The following TPO variants were observed in gnomAD, a reference collection of about 807,000 sequenced individuals.
TPO encodes thyroid peroxidase, also known as thyroid microsomal antigen.
TPO carries 78 observed loss-of-function variants against 96.9 expected under a neutral mutation model. The ratio of observed to expected loss-of-function variants is 0.81; its 90% CI spans 0.67 to 0.97. The LOEUF (loss-of-function observed/expected upper bound fraction) is 0.97, where lower values mean the gene tolerates loss of function less well. Among genes scored for constraint, TPO ranks in the 50% least tolerant of loss-of-function variants. The pLI, the probability that TPO is intolerant of heterozygous loss-of-function variation, is 0.00. For synonymous variants in TPO, 547 were observed against 538.0 expected (o/e 1.02, Z -0.23); for missense variants, 1,252 against 1,274.8 (o/e 0.98, Z 0.27).
chr2:1,529,877 C>T (rs1677647062), intron 15 of TPO, among the ~76,000 whole-genome samples: 1 of 138,394 alleles, frequency 7.2e-6, no homozygotes, highest in Admixed American at 7.3e-5. Flanking sequence ...CCACTGTGTG[C>T]AACCTCCTCA....
chr2:1,478,097 A>AACC (rs1670158088), intron 8 of TPO: 1 of 985,348 alleles, frequency 1.0e-6, no homozygotes, highest in African/African-American at 1.7e-5. Flanking sequence ...GTGAATGAAG[A>AACC]ACCGACTCTG....
intron 5 of TPO, among the ~76,000 whole-genome samples, chr2:1,443,977 G>C (rs28437604): frequency 2.1e-4 from 23 of 109,020 alleles, no homozygotes; most frequent in South Asian, 6.7e-4. Context: ...GGGCAGGCTC[G>C]TTCTTGTTTG....
At chr2:1,422,278 C>A (rs1289794476) in intron 2 of TPO, among the ~76,000 whole-genome samples, 1 of 134,236 alleles carries the variant, frequency 7.4e-6, no homozygotes, top group Non-Finnish European at 1.6e-5. Flanking sequence ...GCGCGTGGGA[C>A]TGAAGCCTTG....
chr2:1,532,510 G>C (rs1327825647), intron 15 of TPO, among the ~76,000 whole-genome samples: 1 of 52,858 alleles, frequency 1.9e-5, no homozygotes. Context: ...CAAAACCCCC[G>C]CCACTCTGAG....
upstream of TPO, among the ~76,000 whole-genome samples, chr2:1,411,042 G>A (rs750748087): frequency 1.3e-5 from 2 of 151,650 alleles, no homozygotes; most frequent in African/African-American, 2.4e-5. Context: ...GGTTTTCCAC[G>A]TCCCCCTGCA....
At chr2:1,538,381 G>A (rs13391992) in intron 15 of TPO, among the ~76,000 whole-genome samples, 27,270 of 152,056 alleles carry the variant, frequency 0.18, 2,581 homozygotes, top group African/African-American at 0.22. Flanking sequence ...AATTCAAATG[G>A]TGAAATATCC....
chr2:1,532,688 C>G (rs867759137), intron 15 of TPO, among the ~76,000 whole-genome samples: 2 of 37,110 alleles, frequency 5.4e-5, no homozygotes, highest in Admixed American at 3.9e-4. Flanking sequence ...ACCACCCACT[C>G]TGTGCAACCT....
intron 14 of TPO, among the ~76,000 whole-genome samples, chr2:1,508,096 G>C (rs901569292): frequency 5.5e-4 from 83 of 151,074 alleles, no homozygotes; most frequent in South Asian, 2.7e-3. Context: ...TAGCATGAAG[G>C]GTTGTTGAAT....
In TPO at chr2:1,528,019, T is replaced by G. The variant is rs186391485; in HGVS notation, c.2618+11037T>G. Among the ~76,000 whole-genome samples, 3 of 121,574 alleles carry G rather than the reference T, an allele frequency of 2.5e-5. No individual in the cohort carries two copies. The Admixed American group carries it at 2.8e-4, about 11-fold the overall frequency. 79.8% of individuals were successfully genotyped at this position (121,574 alleles called of 152,430 possible). On this transcript the variant is annotated intron_variant, in intron 15 of 16. Coordinates refer to ENST00000329066, the MANE Select transcript of TPO (RefSeq NM_001206744.2). ...CCCCAATGTGAGGAACCTCCTCAAATCCTCCCACTATGTGCAACCTCCTCA... is the reference window on the plus strand; with the variant it reads ...CCCCAATGTGAGGAACCTCCTCAAAGCCTCCCACTATGTGCAACCTCCTCA...
At chr2:1,455,728 C>T (rs1558306551) in intron 6 of TPO, among the ~76,000 whole-genome samples, 1 of 152,212 alleles carries the variant, frequency 6.6e-6, no homozygotes, top group Non-Finnish European at 1.5e-5. Flanking sequence ...GTCATGAACT[C>T]AACTGTCCTA....
chr2:1,496,222 C>T (rs1672319655), intron 12 of TPO, 25 bp downstream of exon 12: 1 of 1,604,714 alleles, frequency 6.2e-7, no homozygotes, highest in East Asian at 2.2e-5. Flanking sequence ...CCTCTCACAC[C>T]ACGTTACAGC....
At chr2:1,405,954 A>C (rs2148381942) in intron 1 of TPO, among the ~76,000 whole-genome samples, 1 of 152,352 alleles carries the variant, frequency 6.6e-6, no homozygotes, top group Admixed American at 6.5e-5. Context: ...ACAATCCCAA[A>C]TCAGCTAGAA....
At chr2:1,504,350 G>C (rs1160092409) in intron 14 of TPO, among the ~76,000 whole-genome samples, 1 of 152,122 alleles carries the variant, frequency 6.6e-6, no homozygotes, top group African/African-American at 2.4e-5. Context: ...GCCCACAGGT[G>C]TATACCCAGC....
intron 2 of TPO, among the ~76,000 whole-genome samples, chr2:1,421,929 C>G (rs908160620): frequency 3.3e-5 from 5 of 152,214 alleles, no homozygotes; most frequent in African/African-American, 1.2e-4. Context: ...CCAGAGCCTG[C>G]AGCTCTGACG....
rs145205231 is a variant in TPO at position 1,390,482 on chromosome 2, A to G, written n.180+16080A>G. 5.0e-3 allele frequency among the ~76,000 whole-genome samples: 756 copies of G among 152,342 alleles called. 5 individuals carry two copies. The highest frequency in any genetic ancestry group is 0.017 in the African/African-American group (691 of 41,580). On this transcript the variant is annotated intron_variant and non_coding_transcript_variant, in intron 1 of 5. Transcript: ENST00000497517. Reference sequence around the variant, plus strand: ...CTTTGCTATTGTGAATAGTGCTGCAATAGACATACGTGTGCATGTGTCTTT... The same window carrying G: ...CTTTGCTATTGTGAATAGTGCTGCAGTAGACATACGTGTGCATGTGTCTTT...
chr2:1,466,786 C>T (rs917052229), intron 7 of TPO, among the ~76,000 whole-genome samples: 14 of 152,098 alleles, frequency 9.2e-5, no homozygotes, highest in African/African-American at 3.1e-4. Flanking sequence ...CTTGGTTAAC[C>T]TTGCTAATGG....
chr2:1,418,254 C>CA (rs1491401515), intron 2 of TPO, among the ~76,000 whole-genome samples: 2 of 146,668 alleles, frequency 1.4e-5, no homozygotes, highest in Admixed American at 1.4e-4. Flanking sequence ...CACTGCACTC[C>CA]AGTCTAGGTG....
chr2:1,479,370 T>A (rs567315759), intron 8 of TPO, among the ~76,000 whole-genome samples: 1 of 152,338 alleles, frequency 6.6e-6, no homozygotes, highest in Non-Finnish European at 1.5e-5. Context: ...GGTTGCTTCA[T>A]AAATATATGT....
intron 5 of TPO, chr2:1,439,059 T>C: frequency 3.7e-6 from 2 of 540,128 alleles, no homozygotes; most frequent in Non-Finnish European, 6.6e-6. Context: ...AAAAAATGTA[T>C]TGTGCCTAAG....
Sources: allele counts gnomAD v4.1 joint callset (sites outside exome capture counted in the v4.1 genomes callset), GRCh38; gene constraint gnomAD v4.1.1; transcripts MANE v1.5; gene names NCBI Gene and HGNC (gene_info 2026-07-23, HGNC 2026-07-21).